Variants in PAM observed in about 807,000 individuals in gnomAD.
PAM encodes peptidylglycine alpha-amidating monooxygenase.
A neutral mutation model predicts 122.1 loss-of-function variants in PAM; 72 were observed. The observed-to-expected ratio is 0.59, with a 90% confidence interval of 0.49 to 0.72. The LOEUF (loss-of-function observed/expected upper bound fraction) is 0.72. PAM is among the 30% of genes least tolerant of loss of function. The pLI is 0.00. For synonymous variants in PAM, 389 were observed against 404.4 expected, an observed-to-expected ratio of 0.96 and a Z score of 0.46; for missense variants, 1,106 against 1,183.7, an observed-to-expected ratio of 0.93 and a Z score of 0.96.
At chr5:102,922,577 C>A (rs1436346909) in intron 5 of PAM, among the ~76,000 whole-genome samples, 1 of 152,160 alleles carries the variant, frequency 6.6e-6, no homozygotes, top group African/African-American at 2.4e-5. Flanking sequence ...TTTGAGCCAA[C>A]AAATGACATA....
At position 103,029,528 on chromosome 5, in the gene PAM, C is replaced by T. The variant is rs1033971919; in HGVS notation, c.*463C>T. On this transcript the variant is annotated 3_prime_UTR_variant, in exon 26 of 26. Coordinates refer to ENST00000438793, the MANE Select transcript of PAM (RefSeq NM_001177306.2). ...CATGACGACAAAGCTGCTAAATCTC[C>T]TATTTTTTTAAAATCACTAACATTA... is the stretch of plus-strand genomic sequence containing the variant. The T allele has an allele frequency of 6.5e-6, 1 of 153,000 alleles. No homozygotes were observed. Among genetic ancestry groups the T allele is most frequent in the African/African-American group, 2.4e-5 (1 of 41,456 alleles). 9.5% of individuals were successfully genotyped at this position (153,000 alleles called of 1,614,324 possible).
chr5:102,835,979 T>C (rs954334452), intron 1 of PAM, among the ~76,000 whole-genome samples: 2 of 152,174 alleles, frequency 1.3e-5, no homozygotes, highest in Non-Finnish European at 2.9e-5. Flanking sequence ...CAAATATACC[T>C]TTCTAGTCAA....
intron 4 of PAM, among the ~76,000 whole-genome samples, chr5:102,904,789 G>A (rs1237448185): frequency 6.6e-6 from 1 of 151,464 alleles, no homozygotes; most frequent in Non-Finnish European, 1.5e-5. Context: ...TCTCTTGATG[G>A]CATTAAAAGT....
At chr5:102,832,699 G>A (rs907125642) in intron 1 of PAM, among the ~76,000 whole-genome samples, 1 of 151,904 alleles carries the variant, frequency 6.6e-6, no homozygotes, top group African/African-American at 2.4e-5. Context: ...CCTTTATTTT[G>A]TAATAATATA....
At chr5:102,762,401 T>G (rs570805813) in intron 1 of PAM, among the ~76,000 whole-genome samples, 1 of 152,338 alleles carries the variant, frequency 6.6e-6, no homozygotes, top group South Asian at 2.1e-4. Context: ...GAGAACTGTT[T>G]CCAGTAAAAC....
At chr5:102,783,879 A>G (rs1759722054) in intron 1 of PAM, among the ~76,000 whole-genome samples, 1 of 151,996 alleles carries the variant, frequency 6.6e-6, no homozygotes, top group Non-Finnish European at 1.5e-5. Flanking sequence ...ATCAAGTTCA[A>G]AATTCTTCAT....
chr5:102,860,048 C>T (rs569599398), intron 1 of PAM, among the ~76,000 whole-genome samples: 5 of 152,258 alleles, frequency 3.3e-5, no homozygotes, highest in South Asian at 4.1e-4. Context: ...AAGTGACACA[C>T]GACTCTCTAT....
chr5:102,806,386 T>C (rs1336307754), intron 1 of PAM, among the ~76,000 whole-genome samples: 2 of 152,190 alleles, frequency 1.3e-5, no homozygotes, highest in African/African-American at 4.8e-5. Context: ...CTCATATTCA[T>C]AGTTAAAGAC....
chr5:102,892,072 C>T (rs1251547822), intron 3 of PAM, among the ~76,000 whole-genome samples: 1 of 151,728 alleles, frequency 6.6e-6, no homozygotes, highest in Non-Finnish European at 1.5e-5. Context: ...TAATTCTGGC[C>T]ATTTAGATGT....
rs7733485 is a variant in PAM, at chr5:102,943,836, G to T, written c.527-3001G>T. Reference sequence around the variant, plus strand: ...ATCTCTGCTTAAGCAGAGGAAAGCAGTTTCTCAAAGGCAAGCCCAGACCCT... The same window carrying T: ...ATCTCTGCTTAAGCAGAGGAAAGCATTTTCTCAAAGGCAAGCCCAGACCCT... On this transcript the variant is annotated intron_variant, in intron 7 of 25. Coordinates refer to ENST00000438793, the MANE Select transcript of PAM (RefSeq NM_001177306.2). Among the ~76,000 whole-genome samples the T allele has an allele frequency of 9.7e-4, 148 of 152,194 alleles. 1 individual carries two copies. The highest frequency in any genetic ancestry group is 9.7e-3 in the Admixed American group (148 of 15,300).
Position 102,961,121 on chromosome 5 carries a change from C to A in PAM, c.1091-37C>A, listed in dbSNP as rs776285408. 3.2e-5 allele frequency: 35 copies of A among 1,078,370 alleles called. No individual in the cohort carries two copies. The African/African-American group carries it at 5.1e-4, about 16-fold the overall frequency. The allele number at this position is 1,078,370 out of a possible 1,614,324, so 66.8% of individuals were successfully genotyped here. ...AACTATTTTAAGTATGTAATACATA[C>A]TGCAAATTTATGCTCAGCTTCTTTG... is the stretch of plus-strand genomic sequence containing the variant. On this transcript the variant is annotated intron_variant, in intron 13 of 25. Coordinates refer to ENST00000438793, the MANE Select transcript of PAM (RefSeq NM_001177306.2).
At chr5:102,858,545 G>T (rs1561651310) in intron 1 of PAM, among the ~76,000 whole-genome samples, 1 of 152,160 alleles carries the variant, frequency 6.6e-6, no homozygotes, top group Non-Finnish European at 1.5e-5. Flanking sequence ...CATTTAGTTT[G>T]TAATGTTCTT....
At chr5:102,862,474 A>C (rs1784452500) in intron 1 of PAM, among the ~76,000 whole-genome samples, 1 of 152,180 alleles carries the variant, frequency 6.6e-6, no homozygotes. Flanking sequence ...CCCTTTCATC[A>C]GTTTAATCGT....
intron 3 of PAM, among the ~76,000 whole-genome samples, chr5:102,882,602 G>A (rs114884912): frequency 0.024 from 3,674 of 152,086 alleles, 162 homozygotes; most frequent in African/African-American, 0.083. Context: ...TGAGTTCCTT[G>A]TAGATTCTGG....
In PAM at chr5:102,955,159, G is replaced by A. The variant is rs183622326; in HGVS notation, c.905+4339G>A. On this transcript the variant is annotated intron_variant, in intron 12 of 25. Transcript: ENST00000438793. ...CGGGGTAGAGGTGAAGAATTCTTGAGCTAGTGGAGTGTTTGCGGTATAGAC... is the reference window on the plus strand; with the variant it reads ...CGGGGTAGAGGTGAAGAATTCTTGAACTAGTGGAGTGTTTGCGGTATAGAC... 5.9e-5 allele frequency among the ~76,000 whole-genome samples: 9 copies of A among 152,102 alleles called. No individual in the cohort carries two copies. The East Asian group carries it at 1.7e-3, about 29-fold the overall frequency.
chr5:102,807,610 G>T (rs1439462505), intron 1 of PAM, among the ~76,000 whole-genome samples: 3 of 152,160 alleles, frequency 2.0e-5, no homozygotes, highest in African/African-American at 7.2e-5. Context: ...CTGGGCAGCT[G>T]CCACCTCATG....
At chr5:102,780,417 A>T (rs1758398256) in intron 1 of PAM, among the ~76,000 whole-genome samples, 7 of 152,204 alleles carry the variant, frequency 4.6e-5, no homozygotes, top group Admixed American at 4.6e-4. Context: ...TTCTAAACAT[A>T]AGGGGTTTTA....
chr5:102,881,024 G>A (rs987114304), intron 3 of PAM, among the ~76,000 whole-genome samples: 1 of 151,342 alleles, frequency 6.6e-6, no homozygotes, highest in Admixed American at 6.6e-5. Context: ...GGAAATGGAT[G>A]GTTTTCTAGA....
intron 1 of PAM, among the ~76,000 whole-genome samples, chr5:102,787,831 C>T (rs1760958850): frequency 6.6e-6 from 1 of 152,032 alleles, no homozygotes; most frequent in Admixed American, 6.6e-5. Flanking sequence ...TATCTCCCAT[C>T]TATGGAACTG....
Sources: gnomAD v4.1 joint callset for allele counts (sites outside exome capture counted in the v4.1 genomes callset) on GRCh38, gnomAD v4.1.1 for gene constraint, MANE v1.5 for transcripts, NCBI Gene and HGNC (gene_info 2026-07-23, HGNC 2026-07-21) for gene names.